The following TOX2 variants were observed in gnomAD, a reference collection of about 807,000 sequenced individuals.
TOX2 encodes the protein granulosa cell HMG box 1.
Under a neutral mutation model 47.4 loss-of-function variants are expected in TOX2, and 15 were observed. The ratio of observed to expected loss-of-function variants is 0.32; its 90% CI spans 0.21 to 0.49. The LOEUF is 0.49. Among genes scored for constraint, TOX2 ranks in the 20% least tolerant of loss-of-function variants. The pLI is 0.99. For missense variants in TOX2, 622 were observed against 673.1 expected (o/e 0.92, Z 0.84); for synonymous variants, 290 against 296.6 (o/e 0.98, Z 0.23).
intron 2 of TOX2, among the ~76,000 whole-genome samples, chr20:44,000,758 C>G (rs1009691938): frequency 2.0e-5 from 3 of 152,066 alleles, no homozygotes; most frequent in East Asian, 1.9e-4. Context: ...AAAGGACATA[C>G]AGAATGGCCT....
intron 2 of TOX2, among the ~76,000 whole-genome samples, chr20:43,990,147 TC>T (rs756035707): frequency 1.3e-5 from 2 of 152,210 alleles, no homozygotes; most frequent in Non-Finnish European, 2.9e-5. Context: ...ATTAACAAAT[TC>T]ATGTATGAAA....
chr20:44,058,168 G>C (rs1207461974), intron 5 of TOX2, among the ~76,000 whole-genome samples: 1 of 152,248 alleles, frequency 6.6e-6, no homozygotes, highest in Admixed American at 6.5e-5. Context: ...GGACAGCCAA[G>C]GAATTGTGAG....
intron 3 of TOX2, among the ~76,000 whole-genome samples, chr20:44,011,289 C>T (rs553591650): frequency 2.0e-5 from 3 of 152,178 alleles, no homozygotes; most frequent in Non-Finnish European, 2.9e-5. Context: ...GTGCGACAGC[C>T]TTCATTGAGT....
intron 3 of TOX2, among the ~76,000 whole-genome samples, chr20:44,018,408 T>A (rs1184153307): frequency 6.6e-6 from 1 of 152,154 alleles, no homozygotes; most frequent in Non-Finnish European, 1.5e-5. Context: ...TAAGGGAAAA[T>A]CGCAGCGACA....
chr20:43,996,132 C>T (rs914208621), intron 2 of TOX2, among the ~76,000 whole-genome samples: 2 of 152,254 alleles, frequency 1.3e-5, no homozygotes, highest in Non-Finnish European at 2.9e-5. Flanking sequence ...CTCCTACCAA[C>T]AGTGTAAGTG....
At chr20:43,922,075 C>A (rs1173249517) in intron 1 of TOX2, among the ~76,000 whole-genome samples, 1 of 152,166 alleles carries the variant, frequency 6.6e-6, no homozygotes, top group African/African-American at 2.4e-5. Flanking sequence ...TGACCTCATG[C>A]ACATCACTTA....
chr20:43,999,440 T>C (rs1323127079), intron 2 of TOX2, among the ~76,000 whole-genome samples: 1 of 151,828 alleles, frequency 6.6e-6, no homozygotes, highest in Admixed American at 6.6e-5. Flanking sequence ...AAACCAACAA[T>C]GAACAACCCA....
intron 1 of TOX2, among the ~76,000 whole-genome samples, chr20:43,965,056 T>C (rs572163568): frequency 2.6e-5 from 4 of 152,296 alleles, no homozygotes; most frequent in East Asian, 3.9e-4. Flanking sequence ...AGAAGCTGAA[T>C]TCATTGGTAT....
chr20:43,995,167 A>G (rs982055273), intron 2 of TOX2, among the ~76,000 whole-genome samples: 26 of 152,134 alleles, frequency 1.7e-4, no homozygotes, highest in African/African-American at 5.8e-4. Context: ...GCCAAGCAAA[A>G]GGCATAATTG....
chr20:43,994,796 T>C (rs1049500561), intron 2 of TOX2, among the ~76,000 whole-genome samples: 1 of 152,210 alleles, frequency 6.6e-6, no homozygotes, highest in African/African-American at 2.4e-5. Flanking sequence ...GATAGGGTTT[T>C]AGTCAACAAA....
chr20:43,998,720 C>CATCTATCTATCT (rs34142021), intron 2 of TOX2, among the ~76,000 whole-genome samples: 6 of 60,966 alleles, frequency 9.8e-5, no homozygotes, highest in Admixed American at 1.2e-4. Flanking sequence ...TGGCCTGATA[C>CATCTATCTATCT]ATCTATCTAT....
At chr20:43,951,728 T>C (rs984626002) in intron 1 of TOX2, among the ~76,000 whole-genome samples, 2 of 144,040 alleles carry the variant, frequency 1.4e-5, no homozygotes, top group South Asian at 4.7e-4. Context: ...TTTTTTTTTT[T>C]AGAGAAAGGG....
At chr20:43,975,196 G>A (rs1482852322) in intron 2 of TOX2, among the ~76,000 whole-genome samples, 1 of 152,124 alleles carries the variant, frequency 6.6e-6, no homozygotes. Flanking sequence ...CATTGGCAAT[G>A]TCCTTCCACC....
chr20:43,997,297 G>T (rs1488255549), intron 2 of TOX2, among the ~76,000 whole-genome samples: 1 of 152,124 alleles, frequency 6.6e-6, no homozygotes, highest in Non-Finnish European at 1.5e-5. Flanking sequence ...TAACAACATA[G>T]CTTTGAAATA....
intron 5 of TOX2, among the ~76,000 whole-genome samples, chr20:44,064,194 G>A (rs2071769936): frequency 1.3e-5 from 2 of 152,170 alleles, no homozygotes; most frequent in South Asian, 4.1e-4. Flanking sequence ...GTCTCTGCAT[G>A]CATCACATTT....
At chr20:44,048,091 C>T (rs967314149) in intron 3 of TOX2, among the ~76,000 whole-genome samples, 17 of 152,038 alleles carry the variant, frequency 1.1e-4, no homozygotes, top group Admixed American at 9.2e-4. Context: ...TGGTGACATG[C>T]ACCTGTAATT....
At position 44,068,817 on chromosome 20, in the gene TOX2, C is replaced by T. The variant is rs755843186; in HGVS notation, c.*131C>T. 1.0e-5 allele frequency: 13 copies of T among 1,265,514 alleles called. No individual in the cohort carries two copies. The highest frequency in any genetic ancestry group is 1.8e-4 in the Middle Eastern group (1 of 5,456). The allele number at this position is 1,265,514 out of a possible 1,614,324, so 78.4% of individuals were successfully genotyped here. On this transcript the variant is annotated 3_prime_UTR_variant, in exon 9 of 9. Transcript: ENST00000341197. Reference sequence around the variant, plus strand: ...AGAGAGCAGTGACACACCCATTGCCCGGGGGCTGAGTCTCTTCCTCAACCT... The same window carrying T: ...AGAGAGCAGTGACACACCCATTGCCTGGGGGCTGAGTCTCTTCCTCAACCT...
At chr20:44,039,778 G>A (rs2071302410) in intron 3 of TOX2, among the ~76,000 whole-genome samples, 1 of 152,172 alleles carries the variant, frequency 6.6e-6, no homozygotes, top group Admixed American at 6.5e-5. Context: ...GGGAGAGGAA[G>A]TCGAGGTTTC....
At chr20:43,919,147 C>A (rs2069087239) in intron 1 of TOX2, among the ~76,000 whole-genome samples, 1 of 152,198 alleles carries the variant, frequency 6.6e-6, no homozygotes, top group Admixed American at 6.5e-5. Context: ...AGAACTGATA[C>A]TGCATAGGAT....
Sources: gnomAD v4.1 joint callset for allele counts (sites outside exome capture counted in the v4.1 genomes callset) on GRCh38, gnomAD v4.1.1 for gene constraint, MANE v1.5 for transcripts, NCBI Gene and HGNC (gene_info 2026-07-23, HGNC 2026-07-21) for gene names.